The following DOK6 variants were observed in gnomAD, a reference collection of about 807,000 sequenced individuals.
The protein encoded by DOK6 is docking protein 6.
Under a neutral mutation model 44.0 loss-of-function variants are expected in DOK6, and 22 were observed. The ratio of observed to expected loss-of-function variants is 0.50; its 90% confidence interval spans 0.36 to 0.71. The LOEUF (loss-of-function observed/expected upper bound fraction) is 0.71, where lower values mean the gene tolerates loss of function less well. DOK6 is among the 30% of genes least tolerant of loss of function. The probability of loss-of-function intolerance (pLI) is 0.00; values close to 1 mark genes in which losing one functional copy is unlikely to be tolerated. For synonymous variants in DOK6, 166 were observed against 145.5 expected (o/e 1.14, Z -1.01); for missense variants, 340 against 416.4 (o/e 0.82, Z 1.60).
chr18:69,571,035 T>C (rs1397305512), intron 2 of DOK6, among the ~76,000 whole-genome samples: 2 of 152,050 alleles, frequency 1.3e-5, no homozygotes, highest in African/African-American at 4.8e-5. Context: ...TCATTATATA[T>C]GTATACATGA....
At chr18:69,492,742 G>C (rs1980769455) in intron 1 of DOK6, among the ~76,000 whole-genome samples, 1 of 150,000 alleles carries the variant, frequency 6.7e-6, no homozygotes, top group Non-Finnish European at 1.5e-5. Flanking sequence ...AAAGGACATG[G>C]TTTCATTCTT....
chr18:69,408,669 A>T (rs965561051), intron 1 of DOK6, among the ~76,000 whole-genome samples: 20 of 152,172 alleles, frequency 1.3e-4, no homozygotes, highest in African/African-American at 4.8e-4. Flanking sequence ...ATTAATGGGG[A>T]TCTGACAAAT....
At chr18:69,612,460 T>TGTGTGCGAGGGCGCATGTGTACGAGGGC (rs1568311320) in intron 3 of DOK6, among the ~76,000 whole-genome samples, 1 of 77,630 alleles carries the variant, frequency 1.3e-5, no homozygotes, top group South Asian at 3.7e-4. Flanking sequence ...TGTGCGAGCG[T>TGTGTGCGAGGGCGCATGTGTACGAGGGC]GCATATGTAT....
intron 1 of DOK6, among the ~76,000 whole-genome samples, chr18:69,534,962 C>T (rs1341048911): frequency 6.6e-6 from 1 of 152,086 alleles, no homozygotes; most frequent in African/African-American, 2.4e-5. Context: ...CTCAGTCTCA[C>T]TCATGTCTTC....
rs1982298031 is a variant in DOK6, at chr18:69,844,185, A to G, written c.*2802A>G. The stretch of plus-strand genomic sequence containing the variant: ...CATTTCTCCCTTCAAAAATTGTATT[A>G]TATCTTTAATATATGTGTATTTTTC... On this transcript the variant is annotated 3_prime_UTR_variant, in exon 8 of 8. Coordinates refer to ENST00000382713, the MANE Select transcript of DOK6 (RefSeq NM_152721.6). 6.6e-6 allele frequency: 1 copy of G among 152,184 alleles called. No homozygotes were observed. Among genetic ancestry groups the G allele is most frequent in the African/African-American group, 2.4e-5 (1 of 41,440 alleles). 9.4% of individuals were successfully genotyped at this position (152,184 alleles called of 1,614,324 possible).
chr18:69,583,194 A>C lies in DOK6; in HGVS notation c.175-16190A>C, dbSNP rs117021236. The stretch of plus-strand genomic sequence containing the variant: ...GGTATGTGAGGATCTCTGTATTCTC[A>C]CATTCTCATTGATGCCTACCCTCAT... On this transcript the variant is annotated intron_variant, in intron 2 of 7. Coordinates refer to ENST00000382713, the MANE Select transcript of DOK6 (RefSeq NM_152721.6). Among the ~76,000 whole-genome samples, 85 of 152,322 alleles carry C rather than the reference A, an allele frequency of 5.6e-4. 1 individual carries two copies. In the East Asian group the frequency reaches 0.014, roughly 26 times the overall value.
intron 1 of DOK6, among the ~76,000 whole-genome samples, chr18:69,448,433 G>A (rs372409565): frequency 6.3e-4 from 96 of 152,060 alleles, no homozygotes; most frequent in African/African-American, 2.0e-3. Flanking sequence ...GTCCAATGGC[G>A]CGTTCTCAGC....
At chr18:69,779,300 G>T (rs1401494815) in intron 7 of DOK6, among the ~76,000 whole-genome samples, 1 of 151,852 alleles carries the variant, frequency 6.6e-6, no homozygotes, top group African/African-American at 2.4e-5. Context: ...GTGGCTAAAC[G>T]TACTTAGATG....
At chr18:69,767,164 G>A (rs140416525) in intron 7 of DOK6, among the ~76,000 whole-genome samples, 4,716 of 152,140 alleles carry the variant, frequency 0.031, 129 homozygotes, top group East Asian at 0.091. Flanking sequence ...CCCGGGAGGC[G>A]GAGGTTGCAG....
chr18:69,464,511 G>A (rs544118778), intron 1 of DOK6, among the ~76,000 whole-genome samples: 1 of 152,340 alleles, frequency 6.6e-6, no homozygotes, highest in African/African-American at 2.4e-5. Context: ...AGAAGAGGAA[G>A]CTAATACACA....
intron 1 of DOK6, among the ~76,000 whole-genome samples, chr18:69,555,035 G>T (rs557321601): frequency 6.6e-6 from 1 of 152,076 alleles, no homozygotes; most frequent in Non-Finnish European, 1.5e-5. Flanking sequence ...TAACAGTTAC[G>T]TGTGTGGCAA....
intron 3 of DOK6, among the ~76,000 whole-genome samples, chr18:69,647,143 C>T (rs576223209): frequency 3.0e-5 from 4 of 131,804 alleles, no homozygotes; most frequent in East Asian, 2.1e-4. Context: ...TATCTATCTA[C>T]CCTATCCATC....
chr18:69,583,958 A>T (rs1983430940), intron 2 of DOK6, among the ~76,000 whole-genome samples: 1 of 151,858 alleles, frequency 6.6e-6, no homozygotes, highest in African/African-American at 2.4e-5. Context: ...AATACAAAAA[A>T]TTAGCCAGGC....
chr18:69,491,122 A>G (rs1478661475), intron 1 of DOK6, among the ~76,000 whole-genome samples: 3 of 152,192 alleles, frequency 2.0e-5, no homozygotes, highest in African/African-American at 7.2e-5. Flanking sequence ...TGTTATCTAC[A>G]TTATCTACAA....
chr18:69,406,141 C>T (rs1916202348), intron 1 of DOK6, among the ~76,000 whole-genome samples: 1 of 151,800 alleles, frequency 6.6e-6, no homozygotes, highest in Admixed American at 6.6e-5. Context: ...CCACTTACTT[C>T]TGTATCTATA....
intron 1 of DOK6, among the ~76,000 whole-genome samples, chr18:69,543,128 GAAAGTAAGTTGT>G (rs1239984087): frequency 6.6e-6 from 1 of 150,998 alleles, no homozygotes; most frequent in African/African-American, 2.4e-5. Context: ...TTAGAAGGAG[GAAAGTAAGTTGT>G]AAACCCTTTT....
intron 1 of DOK6, among the ~76,000 whole-genome samples, chr18:69,517,631 AG>A (rs1981565746): frequency 6.6e-6 from 1 of 151,340 alleles, no homozygotes; most frequent in East Asian, 1.9e-4. Flanking sequence ...GTTTTAACTT[AG>A]TATTCAAAGA....
intron 1 of DOK6, chr18:69,471,577 G>GTTTTT (rs373508332): frequency 2.1e-5 from 3 of 139,872 alleles, no homozygotes; most frequent in African/African-American, 5.1e-5. Flanking sequence ...ATTTATGAGG[G>GTTTTT]TTTTTTTGTT....
intron 1 of DOK6, among the ~76,000 whole-genome samples, chr18:69,479,945 A>G (rs1980372853): frequency 6.6e-6 from 1 of 152,190 alleles, no homozygotes; most frequent in Non-Finnish European, 1.5e-5. Flanking sequence ...ATTTAGACAC[A>G]AATCAAGAGG....
Sources: gnomAD v4.1 joint callset for allele counts (sites outside exome capture counted in the v4.1 genomes callset) on GRCh38, gnomAD v4.1.1 for gene constraint, MANE v1.5 for transcripts, NCBI Gene and HGNC (gene_info 2026-07-23, HGNC 2026-07-21) for gene names.